Variants in ZNF365 observed in about 807,000 individuals in gnomAD.
The protein encoded by ZNF365 is protein ZNF365.
Under a neutral mutation model 35.0 loss-of-function variants are expected in ZNF365, and 22 were observed. The ratio of observed to expected loss-of-function variants is 0.63; its 90% CI spans 0.45 to 0.90. ZNF365 has a LOEUF of 0.90. Ranked by LOEUF, ZNF365 falls within the 40% of genes least tolerant of loss-of-function variation. ZNF365 has a pLI of 0.00. For missense variants in ZNF365, 448 were observed against 500.3 expected, an observed-to-expected ratio of 0.90 and a Z score of 1.00; for synonymous variants, 188 against 196.2, an observed-to-expected ratio of 0.96 and a Z score of 0.35.
chr10:62,460,568 G>A (rs1372880601), intron 4 of ZNF365, among the ~76,000 whole-genome samples: 1 of 152,148 alleles, frequency 6.6e-6, no homozygotes, highest in South Asian at 2.1e-4. Context: ...GGTTGACCAT[G>A]GGTAACTGAA....
At chr10:62,425,516 C>T (rs987038111) in intron 3 of ZNF365, among the ~76,000 whole-genome samples, 2 of 152,130 alleles carry the variant, frequency 1.3e-5, no homozygotes, top group Non-Finnish European at 2.9e-5. Flanking sequence ...GTAACAACTA[C>T]AGATTCTCAA....
chr10:62,412,119 A>G (rs1376051282), intron 3 of ZNF365, among the ~76,000 whole-genome samples: 2 of 152,160 alleles, frequency 1.3e-5, no homozygotes, highest in African/African-American at 2.4e-5. Context: ...CTGGGATGCA[A>G]GGTTGGTTCA....
chr10:62,377,936 C>T (rs982227900), intron 2 of ZNF365, among the ~76,000 whole-genome samples: 1 of 152,204 alleles, frequency 6.6e-6, no homozygotes, highest in South Asian at 2.1e-4. Context: ...TGTGTTGTCT[C>T]TTAAAATGTA....
At chr10:62,479,369 T>C (rs1841184307) in intron 4 of ZNF365, among the ~76,000 whole-genome samples, 1 of 152,216 alleles carries the variant, frequency 6.6e-6, no homozygotes, top group Admixed American at 6.5e-5. Context: ...TACTGTAGAA[T>C]TGGAGCACTA....
At position 62,400,896 on chromosome 10, in the gene ZNF365, A is replaced by G; in HGVS notation, c.*1107A>G. 1 of 985,542 alleles carries G rather than the reference A, an allele frequency of 1.0e-6. No individual in the cohort carries two copies. The highest frequency in any genetic ancestry group is 1.2e-6 in the Non-Finnish European group (1 of 829,934). The allele number at this position is 985,542 out of a possible 1,614,324, so 61.0% of individuals were successfully genotyped here. ...GTTGCATTCTAAAGTAATTTCTGAA[A>G]TAAACAATGCATGTAGGAGCCAGAA... is the stretch of plus-strand genomic sequence containing the variant. On this transcript the variant is annotated 3_prime_UTR_variant, in exon 5 of 5. Transcript: ENST00000395254.
At chr10:62,415,040 T>A (rs934740410) in intron 3 of ZNF365, among the ~76,000 whole-genome samples, 1 of 151,982 alleles carries the variant, frequency 6.6e-6, no homozygotes, top group African/African-American at 2.4e-5. Flanking sequence ...TTTTTAGAGA[T>A]TACGGTTCTC....
In ZNF365 at chr10:62,388,539, A is replaced by G. The variant is rs889549507; in HGVS notation, c.887A>G (p.Gln296Arg). 1 of 1,614,006 alleles carries G rather than the reference A, an allele frequency of 6.2e-7. No individual in the cohort carries two copies. Among genetic ancestry groups the G allele is most frequent in the Non-Finnish European group, 8.5e-7 (1 of 1,180,026 alleles). Residue 296 changes from glutamine to arginine, a missense_variant, in exon 3 of 5, where the codon CAG (glutamine) becomes CGG (arginine). Gln to Arg is a conservative substitution (Grantham distance 43). Transcript: ENST00000395254. Reference sequence around the variant, plus strand: ...CAGCTTGAGTACTATCAGAGCCAGCAGGCCTCTGGCTTTGTCCGTGATCTC... The same window carrying G: ...CAGCTTGAGTACTATCAGAGCCAGCGGGCCTCTGGCTTTGTCCGTGATCTC... ...EKQLEYYQSQ[Q>R]ASGFVRDLSG...
At chr10:62,426,420 A>G (rs1840250892) in intron 3 of ZNF365, among the ~76,000 whole-genome samples, 1 of 152,124 alleles carries the variant, frequency 6.6e-6, no homozygotes, top group South Asian at 2.1e-4. Flanking sequence ...CTAGATATGC[A>G]CAGCCCAGTT....
At chr10:62,430,198 T>C (rs966511868) in intron 3 of ZNF365, among the ~76,000 whole-genome samples, 3 of 150,914 alleles carry the variant, frequency 2.0e-5, no homozygotes, top group African/African-American at 7.3e-5. Context: ...GATCAAAAAG[T>C]AAAGACATTT....
chr10:62,423,215 T>TAA (rs5785526), intron 3 of ZNF365, among the ~76,000 whole-genome samples: 70,237 of 149,882 alleles, frequency 0.47, 19,787 homozygotes, highest in East Asian at 0.68. Context: ...AATAGAAACT[T>TAA]AAAAAAAAAA....
At chr10:62,454,730 C>T (rs1840735920) in intron 3 of ZNF365, among the ~76,000 whole-genome samples, 1 of 152,036 alleles carries the variant, frequency 6.6e-6, no homozygotes, top group African/African-American at 2.4e-5. Flanking sequence ...ATCCGTGCAA[C>T]AACCATTTAT....
intron 3 of ZNF365, among the ~76,000 whole-genome samples, chr10:62,445,411 A>G (rs1365119398): frequency 2.6e-5 from 4 of 151,700 alleles, no homozygotes; most frequent in Admixed American, 2.0e-4. Context: ...AAGTGTTCCT[A>G]TTTCTCCACA....
intron 2 of ZNF365, among the ~76,000 whole-genome samples, chr10:62,379,640 A>AC (rs1839400984): frequency 6.6e-6 from 1 of 151,802 alleles, no homozygotes; most frequent in South Asian, 2.1e-4. Flanking sequence ...TGGCCTCCCC[A>AC]CCCCCGCACC....
chr10:62,421,146 T>C (rs898957407), intron 3 of ZNF365, among the ~76,000 whole-genome samples: 1 of 152,196 alleles, frequency 6.6e-6, no homozygotes, highest in African/African-American at 2.4e-5. Flanking sequence ...TCTATTTTGA[T>C]TTGATTGTTA....
rs760459662 is a variant in ZNF365, at chr10:62,376,480, C to T, written c.287C>T (p.Pro96Leu). The change falls in exon 2 of 5, where the codon CCG (proline) becomes CTG (leucine). Residue 96 changes from proline (P) to leucine (L), a missense_variant. Pro to Leu is a moderately conservative substitution (Grantham distance 98). This residue lies in a region of ZNF365 where 10 missense variants were observed against 27.9 expected (regional missense o/e 0.36). Coordinates refer to ENST00000395254, the MANE Select transcript of ZNF365 (RefSeq NM_014951.3). The stretch of plus-strand genomic sequence containing the variant: ...AGTGGCAACGTGGTAAAGCAGAAAC[C>T]GAGCTATGTTAACTTGTACAGCATT... The part of the protein sequence containing the change: ...QSSGNVVKQK[P>L]SYVNLYSISH... 60 of 1,613,956 alleles carry T rather than the reference C, an allele frequency of 3.7e-5. No homozygotes were observed. The highest frequency in any genetic ancestry group is 4.7e-5 in the Non-Finnish European group (56 of 1,180,046).
chr10:62,424,765 C>G (rs1840226388), intron 3 of ZNF365, among the ~76,000 whole-genome samples: 1 of 152,156 alleles, frequency 6.6e-6, no homozygotes, highest in Non-Finnish European at 1.5e-5. Flanking sequence ...CTACAGTGCC[C>G]CAGTTGGGGA....
intron 2 of ZNF365, among the ~76,000 whole-genome samples, chr10:62,382,545 A>G (rs1839457614): frequency 6.6e-6 from 1 of 152,214 alleles, no homozygotes; most frequent in Admixed American, 6.5e-5. Context: ...CTCCTATCAC[A>G]TCCCCACTCT....
At chr10:62,405,075 A>T (rs960707619), downstream of ZNF365, among the ~76,000 whole-genome samples, 1 of 152,180 alleles carries the variant, frequency 6.6e-6, no homozygotes, top group Admixed American at 6.5e-5. Context: ...GAACGGAAGC[A>T]TCTCACCTCC....
intron 2 of ZNF365, among the ~76,000 whole-genome samples, chr10:62,381,743 G>A (rs369686015): frequency 2.0e-5 from 3 of 152,162 alleles, no homozygotes; most frequent in African/African-American, 7.2e-5. Context: ...AGATGTCCTT[G>A]CTTAATCGGG....
Sources: allele counts gnomAD v4.1 joint callset (sites outside exome capture counted in the v4.1 genomes callset), GRCh38; gene constraint gnomAD v4.1.1; regional missense constraint gnomAD v4.1.1; transcripts MANE v1.5; gene names NCBI Gene and HGNC (gene_info 2026-07-23, HGNC 2026-07-21).